Variants in PABPC4L observed in about 807,000 individuals in gnomAD.
The protein encoded by PABPC4L is poly(A) binding protein cytoplasmic 4 like, also known as polyadenylate-binding protein 4-like.
For synonymous variants in PABPC4L, 169 were observed against 164.1 expected, an observed-to-expected ratio of 1.03 and a Z score of -0.23; for missense variants, 452 against 451.4, an observed-to-expected ratio of 1.00 and a Z score of -0.01.
chr4:134,188,983 G>T, the PABPC4L span, among the ~76,000 whole-genome samples: 19 of 151,676 alleles, frequency 1.3e-4, no homozygotes, highest in East Asian at 5.8e-4. Flanking sequence ...TTTTATTTTG[G>T]TTTTTTCTTC....
At chr4:133,967,353 T>C in the PABPC4L span, among the ~76,000 whole-genome samples, 1 of 151,954 alleles carries the variant, frequency 6.6e-6, no homozygotes, top group East Asian at 1.9e-4. Flanking sequence ...AATAAAAGTC[T>C]TGAAAGACAT....
the PABPC4L span, among the ~76,000 whole-genome samples, chr4:134,156,331 T>C: frequency 2.6e-5 from 4 of 151,936 alleles, no homozygotes; most frequent in Non-Finnish European, 5.9e-5. Context: ...CTAACAGTAA[T>C]TGCATAAGGG....
the PABPC4L span, among the ~76,000 whole-genome samples, chr4:134,169,191 G>A: frequency 6.6e-6 from 1 of 151,998 alleles, no homozygotes; most frequent in Non-Finnish European, 1.5e-5. Context: ...AAAGAATAAA[G>A]AGTAAAATAC....
At chr4:133,956,039 T>C in the PABPC4L span, among the ~76,000 whole-genome samples, 1 of 152,270 alleles carries the variant, frequency 6.6e-6, no homozygotes, top group African/African-American at 2.4e-5. Flanking sequence ...TGAAGTCCTG[T>C]TGAATCAAAT....
the PABPC4L span, among the ~76,000 whole-genome samples, chr4:134,161,276 G>T: frequency 6.6e-6 from 1 of 151,478 alleles, no homozygotes; most frequent in African/African-American, 2.4e-5. Context: ...CATGCCTATA[G>T]GATCTACAAA....
the PABPC4L span, among the ~76,000 whole-genome samples, chr4:134,189,571 G>A: frequency 6.6e-6 from 1 of 151,870 alleles, no homozygotes; most frequent in Non-Finnish European, 1.5e-5. Flanking sequence ...TATATAATGT[G>A]TGTGTGTGTG....
the PABPC4L span, among the ~76,000 whole-genome samples, chr4:133,976,808 G>GT: frequency 5.9e-5 from 9 of 152,174 alleles, no homozygotes; most frequent in African/African-American, 1.9e-4. Context: ...TAATGGGGTT[G>GT]TTTGTTTATT....
At chr4:133,976,616 G>A in the PABPC4L span, among the ~76,000 whole-genome samples, 7 of 152,218 alleles carry the variant, frequency 4.6e-5, no homozygotes, top group African/African-American at 1.4e-4. Flanking sequence ...AACCTCACCA[G>A]CATCTGTTGT....
chr4:133,962,816 C>T, the PABPC4L span, among the ~76,000 whole-genome samples: 3,130 of 152,224 alleles, frequency 0.021, 55 homozygotes, highest in Middle Eastern at 0.082. Context: ...GAAAATTTGC[C>T]ACTACCAAGC....
At chr4:134,174,446 A>G in the PABPC4L span, among the ~76,000 whole-genome samples, 1 of 152,290 alleles carries the variant, frequency 6.6e-6, no homozygotes, top group Non-Finnish European at 1.5e-5. Flanking sequence ...AGGTGTGTTT[A>G]CATCAGCATC....
At chr4:134,158,497 A>T in the PABPC4L span, among the ~76,000 whole-genome samples, 2 of 152,086 alleles carry the variant, frequency 1.3e-5, no homozygotes, top group Non-Finnish European at 2.9e-5. Flanking sequence ...GACAGACATA[A>T]AATCTTTTTG....
the PABPC4L span, among the ~76,000 whole-genome samples, chr4:134,032,741 C>A: frequency 6.6e-6 from 1 of 151,630 alleles, no homozygotes; most frequent in African/African-American, 2.4e-5. Context: ...TATCTAACAT[C>A]CAAATGACAA....
chr4:134,106,000 C>G, the PABPC4L span, among the ~76,000 whole-genome samples: 1 of 151,526 alleles, frequency 6.6e-6, no homozygotes, highest in Admixed American at 6.6e-5. Context: ...GATAGTGATT[C>G]AATTACTCTT....
At chr4:133,961,926 C>G in the PABPC4L span, among the ~76,000 whole-genome samples, 1 of 152,134 alleles carries the variant, frequency 6.6e-6, no homozygotes, top group South Asian at 2.1e-4. Flanking sequence ...CTGCATGGCC[C>G]AAGATTCCAT....
At chr4:134,067,715 A>G in the PABPC4L span, among the ~76,000 whole-genome samples, 3 of 151,990 alleles carry the variant, frequency 2.0e-5, no homozygotes, top group Non-Finnish European at 4.4e-5. Context: ...AGAGATTCTG[A>G]TATGTTATAT....
chr4:133,967,461 T>C, the PABPC4L span, among the ~76,000 whole-genome samples: 27 of 152,184 alleles, frequency 1.8e-4, 1 homozygote, highest in Non-Finnish European at 3.7e-4. Context: ...TCTGGAGATA[T>C]ACATTTAGTG....
chr4:134,174,714 G>C, the PABPC4L span, among the ~76,000 whole-genome samples: 552 of 152,080 alleles, frequency 3.6e-3, 2 homozygotes, highest in African/African-American at 0.013. Flanking sequence ...CATTATCTAC[G>C]TAAGTATTCA....
At chr4:133,977,699 T>G in the PABPC4L span, among the ~76,000 whole-genome samples, 1 of 152,164 alleles carries the variant, frequency 6.6e-6, no homozygotes, top group African/African-American at 2.4e-5. Flanking sequence ...TTGATGGATT[T>G]TGTAGAAACT....
chr4:134,086,145 C>T, the PABPC4L span, among the ~76,000 whole-genome samples: 286 of 149,918 alleles, frequency 1.9e-3, 1 homozygote, highest in African/African-American at 6.6e-3. Context: ...TTTTCTTTGG[C>T]ATTTTCCTGG....
Sources: allele counts gnomAD v4.1 joint callset (sites outside exome capture counted in the v4.1 genomes callset), GRCh38; gene constraint gnomAD v4.1.1; transcripts MANE v1.5; gene names NCBI Gene and HGNC (gene_info 2026-07-23, HGNC 2026-07-21).